Variants in TTN observed in about 807,000 individuals in gnomAD.
TTN encodes the protein titin.
Under a neutral mutation model 3,223.0 loss-of-function variants are expected in TTN, and 1,525 were observed. The ratio of observed to expected loss-of-function variants is 0.47; its 90% CI spans 0.45 to 0.49. The LOEUF (loss-of-function observed/expected upper bound fraction) is 0.49, where lower values mean the gene tolerates loss of function less well. Ranked by LOEUF, TTN falls within the 20% of genes least tolerant of loss-of-function variation. The probability of loss-of-function intolerance (pLI) is 0.00; values close to 1 mark genes in which losing one functional copy is unlikely to be tolerated. For synonymous variants in TTN, 14,094 were observed against 15,161.0 expected, an observed-to-expected ratio of 0.93 and a Z score of 5.17; for missense variants, 40,786 against 43,424.0, an observed-to-expected ratio of 0.94 and a Z score of 5.40.
In TTN at chr2:178,730,638, G is replaced by A. The variant is rs780642441; in HGVS notation, c.17895C>T (p.Tyr5965=). The change falls in exon 61 of 363, where the codon TAC becomes TAT. Residue 5965 remains tyrosine (Y), a synonymous_variant. Transcript: ENST00000589042. Reference sequence around the variant, plus strand: ...CAGTATTGTCATGAAAAGAGAATTTGTACTTTTCACTAGCTGATATTTCTT... The same window carrying A: ...CAGTATTGTCATGAAAAGAGAATTTATACTTTTCACTAGCTGATATTTCTT... ...DDQEISASEK[Y]KFSFHDNTAF... The A allele has an allele frequency of 5.6e-6, 9 of 1,613,636 alleles. No individual in the cohort carries two copies. The African/African-American group carries it at 9.3e-5, about 17-fold the overall frequency.
At chr2:178,586,131 A>G (rs1460008674) in intron 308 of TTN, among the ~76,000 whole-genome samples, 3 of 152,072 alleles carry the variant, frequency 2.0e-5, no homozygotes, top group Non-Finnish European at 4.4e-5. Flanking sequence ...AGTGATCACC[A>G]TTCTAACTGG....
chr2:178,528,224 C>T lies in TTN; in HGVS notation c.107377+50G>A, dbSNP rs2857272. 56 of 1,545,754 alleles carry T rather than the reference C, an allele frequency of 3.6e-5. No homozygotes were observed. In the South Asian group the frequency reaches 4.8e-4, roughly 13 times the overall value. On this transcript the variant is annotated intron_variant, in intron 361 of 362. Transcript: ENST00000589042. ...TGTGCTTGAAAGAGAGGCAAAAAAA[C>T]GATCTAAAGGCCTTAAACATGTAAG...
intron 228 of TTN, 43 bp downstream of exon 228, chr2:178,635,122 G>A (rs899003959): frequency 6.2e-7 from 1 of 1,604,684 alleles, no homozygotes; most frequent in Non-Finnish European, 8.5e-7. Context: ...ATTGGATGTG[G>A]TTATTTTATA....
Position 178,740,005 on chromosome 2 carries a change from C to A in TTN, c.13228G>T (p.Glu4410Ter). Residue 4410 changes from glutamate to a stop codon, truncating the protein, a stop_gained, in exon 48 of 363, where the codon GAG becomes TAG. Transcript: ENST00000589042. LOFTEE classifies it high-confidence loss of function. Reference protein sequence around the residue: ...CRALQAAVASEQPGLFSEWLR... With the variant: ...CRALQAAVAS ...CACTCAGAGAAAAGACCTGGCTGCT[C>A]GCTGGCCACGGCTGCTTGCAAAGCC... 1 of 1,613,856 alleles carries A rather than the reference C, an allele frequency of 6.2e-7. No homozygotes were observed. Among genetic ancestry groups the A allele is most frequent in the Non-Finnish European group, 8.5e-7 (1 of 1,179,830 alleles).
rs1251877606 is a variant in TTN, at chr2:178,571,635, G to A, written c.74497C>T (p.Pro24833Ser). The A allele has an allele frequency of 2.5e-6, 4 of 1,613,296 alleles. No individual in the cohort carries two copies. The highest frequency in any genetic ancestry group is 4.5e-5 in the East Asian group (2 of 44,718). ...ADSITLSWGP[P>S]KYDGGSSINN... ...ATAGAACTTCCACCATCATACTTGG[G>A]TGGGCCCCAGGAAAGAGTAATACTA... is the stretch of plus-strand genomic sequence containing the variant. The change falls in exon 326 of 363, where the codon CCC becomes TCC. Residue 24833 changes from proline to serine, a missense_variant. Physicochemically the swap from Pro to Ser is moderately conservative, Grantham distance 74 (BLOSUM62 -1). Transcript: ENST00000589042.
Position 178,669,463 on chromosome 2 carries a change from T to C in TTN, c.35471-16A>G. ...ATCCCAGGAACTTTAAAGATATTAG[T>C]ATATTAATTGTTACAGATAACAAAT... is the stretch of plus-strand genomic sequence containing the variant. On this transcript the variant is annotated splice_polypyrimidine_tract_variant and intron_variant, in intron 158 of 362. Transcript: ENST00000589042. 1.3e-6 allele frequency: 2 copies of C among 1,555,530 alleles called. No homozygotes were observed. Among genetic ancestry groups the C allele is most frequent in the Non-Finnish European group, 1.7e-6 (2 of 1,158,064 alleles).
In TTN at chr2:178,722,251, G is replaced by T; in HGVS notation, c.22528+8C>A. Reference sequence around the variant, plus strand: ...TTTGCAAAGAAAAAGAGTGACGTGTGAACAAACCTCTTGCTGTGAGTCTAG... The same window carrying T: ...TTTGCAAAGAAAAAGAGTGACGTGTTAACAAACCTCTTGCTGTGAGTCTAG... On this transcript the variant is annotated splice_region_variant and intron_variant, in intron 77 of 362. Coordinates refer to ENST00000589042, the MANE Select transcript of TTN (RefSeq NM_001267550.2). The T allele has an allele frequency of 6.4e-7, 1 of 1,563,108 alleles. No individual in the cohort carries two copies. The highest frequency in any genetic ancestry group is 1.2e-5 in the South Asian group (1 of 80,176).
intron 164 of TTN, 34 bp downstream of exon 164, chr2:178,665,674 T>C: frequency 2.3e-6 from 3 of 1,300,062 alleles, no homozygotes; most frequent in Non-Finnish European, 3.0e-6. Flanking sequence ...AGCACTCTAA[T>C]AAATGAAGGA....
At position 178,607,033 on chromosome 2, in the gene TTN, C is replaced by A. The variant is rs1423994048; in HGVS notation, c.53569G>T (p.Val17857Phe). ...PPVEIGPILA[V>F]DPLGPPTSPE... ...CCTTCTCTTTTACCTAGTGGATCAA[C>A]TGCAAGAATTGGTCCTATTTCAACA... Residue 17857 changes from valine to phenylalanine, a missense_variant, in exon 278 of 363, where the codon GTT becomes TTT. Transcript: ENST00000589042. 3 of 1,608,830 alleles carry A rather than the reference C, an allele frequency of 1.9e-6. No homozygotes were observed. In the African/African-American group the frequency reaches 4.0e-5, roughly 22 times the overall value.
intron 239 of TTN, 70 bp from the exon 240 acceptor site, chr2:178,629,513 G>A (rs555686242): frequency 3.8e-6 from 6 of 1,596,586 alleles, no homozygotes; most frequent in Non-Finnish European, 5.1e-6. Context: ...TAGAGACTTA[G>A]ATATGAATCT....
Position 178,570,036 on chromosome 2 carries a change from C to T in TTN, c.76096G>A (p.Val25366Ile). The change falls in exon 326 of 363, where the codon GTA becomes ATA. Residue 25366 changes from valine (V) to isoleucine (I), a missense_variant. Val to Ile is a conservative substitution (Grantham distance 29). Coordinates refer to ENST00000589042, the MANE Select transcript of TTN (RefSeq NM_001267550.2). ...KRLIGELRLRVTGLIENHDYE... is the reference protein window; with the variant it reads ...KRLIGELRLRITGLIENHDYE... ...TCGTGATTTTCTATGAGTCCAGTTA[C>T]TCTCAGGCGCAACTCTCCAATCAGA... 6.2e-7 allele frequency: 1 copy of T among 1,613,316 alleles called. No individual in the cohort carries two copies. Among genetic ancestry groups the T allele is most frequent in the Non-Finnish European group, 8.5e-7 (1 of 1,179,558 alleles).
In TTN at chr2:178,667,328, A is replaced by G. The variant is rs748421318; in HGVS notation, c.35714-9T>C. The G allele has an allele frequency of 1.9e-6, 3 of 1,593,828 alleles. No homozygotes were observed. Among genetic ancestry groups the G allele is most frequent in the South Asian group, 2.3e-5 (2 of 88,036 alleles). On this transcript the variant is annotated splice_polypyrimidine_tract_variant and intron_variant, in intron 161 of 362. Transcript: ENST00000589042. The stretch of plus-strand genomic sequence containing the variant: ...TCTGGTTGTATCAGGTTCTTTAAAG[A>G]TATTAGTAGGTTTACATTTAAAAGT...
At position 178,750,411 on chromosome 2, in the gene TTN, T is replaced by C. The variant is rs751642968; in HGVS notation, c.11311+2713A>G. The C allele has an allele frequency of 2.5e-6, 4 of 1,612,376 alleles. No homozygotes were observed. The South Asian group carries it at 4.4e-5, about 18-fold the overall frequency. On this transcript the variant is annotated intron_variant, in intron 47 of 362. Transcript: ENST00000589042. ...GATGAAAGAGTTAATATTGAATAGT[T>C]TTCCAACGAATGAATGATAAAGTTT...
intron 220 of TTN, 112 bp from the exon 221 acceptor site, chr2:178,640,742 T>A: frequency 1.2e-6 from 1 of 808,592 alleles, no homozygotes. Flanking sequence ...TTAAAAAACC[T>A]TATAGTTTAT....
intron 61 of TTN, 58 bp from the exon 62 acceptor site, chr2:178,730,429 C>G: frequency 6.4e-7 from 1 of 1,551,574 alleles, no homozygotes; most frequent in Non-Finnish European, 8.7e-7. Context: ...TATAACTTAG[C>G]AATAAAGGTG....
intron 1 of TTN, among the ~76,000 whole-genome samples, chr2:178,806,911 A>G (rs1437910372): frequency 6.6e-6 from 1 of 152,264 alleles, no homozygotes; most frequent in Non-Finnish European, 1.5e-5. Flanking sequence ...GAGAGTCTAG[A>G]AAAGAAGTAA....
chr2:178,602,228 C>A, intron 283 of TTN, 54 bp downstream of exon 283: 1 of 1,595,170 alleles, frequency 6.3e-7, no homozygotes, highest in South Asian at 1.1e-5. Flanking sequence ...GTAAATTAAT[C>A]AATTTCATAA....
rs1393873352 is a variant in TTN, at chr2:178,718,091, T to C, written c.24915A>G (p.Arg8305=). 3 of 1,613,422 alleles carry C rather than the reference T, an allele frequency of 1.9e-6. No homozygotes were observed. Among genetic ancestry groups the C allele is most frequent in the Admixed American group, 3.3e-5 (2 of 60,014 alleles). Residue 8305 remains arginine (R), a synonymous_variant, in exon 86 of 363, where the codon CGA becomes CGG. Transcript: ENST00000589042. ...ISWYKEHTKL[R]SAPAYKMQFK... is the part of the protein sequence containing the mutation. ...ATTGCATTTTATATGCAGGAGCTGA[T>C]CGTAGCTTTGTGTGTTCTTTATACC...
chr2:178,551,047 CT>C lies in TTN; in HGVS notation c.91483del (p.Arg30495GlufsTer2). 1 of 1,613,382 alleles carries C rather than the reference CT, an allele frequency of 6.2e-7. No individual in the cohort carries two copies. The highest frequency in any genetic ancestry group is 8.5e-7 in the Non-Finnish European group (1 of 1,179,604). On this transcript the variant is annotated frameshift_variant, in exon 336 of 363. Coordinates refer to ENST00000589042, the MANE Select transcript of TTN (RefSeq NM_001267550.2). LOFTEE classifies it high-confidence loss of function. ...GLSPGDRYEF[R>X]IIARNAVGTI... is the part of the protein sequence containing the mutation. ...TCCAACAGCATTTCTTGCAATTATTCTGAACTCATAGCGATCCCCAGGACTG... is the reference window on the plus strand; with the variant it reads ...TCCAACAGCATTTCTTGCAATTATTCGAACTCATAGCGATCCCCAGGACTG...
Sources: allele counts gnomAD v4.1 joint callset (sites outside exome capture counted in the v4.1 genomes callset), GRCh38; gene constraint gnomAD v4.1.1; transcripts MANE v1.5; gene names NCBI Gene and HGNC (gene_info 2026-07-23, HGNC 2026-07-21).